The following DMRT1 variants were observed in gnomAD, a reference collection of about 807,000 sequenced individuals.
DMRT1 encodes the protein doublesex and mab-3 related transcription factor 1.
Under a neutral mutation model 32.3 loss-of-function variants are expected in DMRT1, and 7 were observed. The ratio of observed to expected loss-of-function variants is 0.22; its 90% CI spans 0.12 to 0.41. DMRT1 has a LOEUF of 0.41. Ranked by LOEUF, DMRT1 falls within the 10% of genes least tolerant of loss-of-function variation. The pLI, the probability that DMRT1 is intolerant of heterozygous loss-of-function variation, is 1.00. For missense variants in DMRT1, 625 were observed against 500.5 expected (o/e 1.25, Z -2.37); for synonymous variants, 278 against 206.1 (o/e 1.35, Z -2.99).
In DMRT1 at chr9:872,977, C is replaced by G. The variant is rs142035441; in HGVS notation, c.539-20935C>G. Among the ~76,000 whole-genome samples the G allele has an allele frequency of 5.2e-4, 79 of 152,346 alleles. 1 individual carries two copies. The highest frequency in any genetic ancestry group is 1.5e-3 in the African/African-American group (62 of 41,586). On this transcript the variant is annotated intron_variant, in intron 2 of 4. Coordinates refer to ENST00000382276, the MANE Select transcript of DMRT1 (RefSeq NM_021951.3). ...ACATTAAAGGCAGATCTTCTCTACT[C>G]TGTTCATGGATTCACATGCCAGTGT...
intron 2 of DMRT1, among the ~76,000 whole-genome samples, chr9:878,348 A>G (rs556290037): frequency 6.6e-6 from 1 of 152,200 alleles, no homozygotes; most frequent in South Asian, 2.1e-4. Context: ...ACTCTACTCC[A>G]CTGGGTTGCA....
At chr9:902,237 A>C (rs1817615355) in intron 3 of DMRT1, among the ~76,000 whole-genome samples, 1 of 147,476 alleles carries the variant, frequency 6.8e-6, no homozygotes, top group African/African-American at 2.5e-5. Flanking sequence ...ACATAAAGTG[A>C]TGTATTAGAT....
intron 2 of DMRT1, among the ~76,000 whole-genome samples, chr9:893,616 T>A (rs1285246533): frequency 6.6e-6 from 1 of 152,246 alleles, no homozygotes; most frequent in Non-Finnish European, 1.5e-5. Context: ...GACATTAGGA[T>A]AGGAATTTCT....
intron 2 of DMRT1, among the ~76,000 whole-genome samples, chr9:858,987 T>C (rs545291913): frequency 1.3e-5 from 2 of 152,036 alleles, no homozygotes; most frequent in South Asian, 4.2e-4. Context: ...TCTCCAGAAC[T>C]TCCCAGACAG....
chr9:884,460 A>C (rs1044540869), intron 2 of DMRT1, among the ~76,000 whole-genome samples: 9 of 152,066 alleles, frequency 5.9e-5, no homozygotes, highest in African/African-American at 1.9e-4. Context: ...GAACATGAGT[A>C]TTAGAATAAG....
chr9:893,949 C>G lies in DMRT1; in HGVS notation c.576C>G (p.Thr192=), dbSNP rs368538428. The G allele has an allele frequency of 6.2e-6, 10 of 1,614,174 alleles. No individual in the cohort carries two copies. The highest frequency in any genetic ancestry group is 8.5e-7 in the Non-Finnish European group (1 of 1,180,014). The change falls in exon 3 of 5, where the codon ACC becomes ACG. Residue 192 remains threonine (T), a synonymous_variant. Transcript: ENST00000382276. ...RMVIQDIPAV[T]SRGHVENTPD... ...TCATCCAGGATATTCCTGCTGTCAC[C>G]AGCAGAGGGCATGTGGAGAACACAC...
intron 3 of DMRT1, among the ~76,000 whole-genome samples, chr9:913,808 G>T (rs1336671479): frequency 1.3e-5 from 2 of 152,126 alleles, no homozygotes; most frequent in Non-Finnish European, 2.9e-5. Flanking sequence ...CAGGAGAATC[G>T]CTTGAAGCCA....
chr9:854,385 G>A (rs1815298712), intron 2 of DMRT1, among the ~76,000 whole-genome samples: 1 of 152,006 alleles, frequency 6.6e-6, no homozygotes, highest in South Asian at 2.1e-4. Context: ...TCCAGATCAA[G>A]TGATTCTCGT....
intron 4 of DMRT1, among the ~76,000 whole-genome samples, chr9:938,784 G>A (rs183975469): frequency 1.3e-3 from 195 of 152,346 alleles, no homozygotes; most frequent in African/African-American, 4.3e-3. Context: ...ATTGAACAGA[G>A]GTGGCACAAG....
intron 2 of DMRT1, among the ~76,000 whole-genome samples, chr9:876,637 C>A (rs1012730981): frequency 6.6e-6 from 1 of 151,964 alleles, no homozygotes; most frequent in African/African-American, 2.4e-5. Context: ...CTCAAGTGAT[C>A]CTTCCCCACT....
intron 4 of DMRT1, among the ~76,000 whole-genome samples, chr9:959,758 C>A (rs992069267): frequency 3.3e-5 from 5 of 151,946 alleles, no homozygotes; most frequent in African/African-American, 4.8e-5. Context: ...GAGCTCCTGA[C>A]CTCTGGTGAT....
chr9:887,236 A>C (rs1272534087), intron 2 of DMRT1, among the ~76,000 whole-genome samples: 8 of 152,204 alleles, frequency 5.3e-5, no homozygotes, highest in Admixed American at 5.2e-4. Flanking sequence ...TTTGGAGGGA[A>C]TTCATAGAAA....
chr9:901,780 C>A (rs186320909), intron 3 of DMRT1, among the ~76,000 whole-genome samples: 1 of 151,838 alleles, frequency 6.6e-6, no homozygotes, highest in African/African-American at 2.4e-5. Context: ...ACTTGCCTTA[C>A]GAACCTGCCC....
intron 3 of DMRT1, among the ~76,000 whole-genome samples, chr9:904,141 T>G (rs1459451963): frequency 1.3e-5 from 2 of 152,218 alleles, no homozygotes; most frequent in African/African-American, 2.4e-5. Flanking sequence ...AATAATATAG[T>G]CATTTGGGGA....
chr9:843,388 G>A (rs1368664787), intron 1 of DMRT1, among the ~76,000 whole-genome samples: 3 of 152,208 alleles, frequency 2.0e-5, no homozygotes, highest in African/African-American at 7.2e-5. Context: ...GAGAGCTCTG[G>A]AAATTTTATT....
intron 2 of DMRT1, among the ~76,000 whole-genome samples, chr9:854,379 G>C (rs1426084840): frequency 6.6e-6 from 1 of 151,998 alleles, no homozygotes. Flanking sequence ...CCACTTTCCA[G>C]ATCAAGTGAT....
rs1245936943 is a variant in DMRT1, at chr9:841,738, G to T, written c.-101G>T. The stretch of plus-strand genomic sequence containing the variant: ...CGGCTGCAGCGCACACGTCTCCTGC[G>T]CCTCCTCCTCCGGAGCGTCGCTGTC... On this transcript the variant is annotated 5_prime_UTR_variant, in exon 1 of 5. Coordinates refer to ENST00000382276, the MANE Select transcript of DMRT1 (RefSeq NM_021951.3). 3.9e-6 allele frequency: 6 copies of T among 1,546,188 alleles called. No individual in the cohort carries two copies. The highest frequency in any genetic ancestry group is 1.4e-5 in the African/African-American group (1 of 72,978).
At chr9:896,980 A>T (rs16925495) in intron 3 of DMRT1, among the ~76,000 whole-genome samples, 20,609 of 151,874 alleles carry the variant, frequency 0.14, 2,806 homozygotes, top group African/African-American at 0.34. Flanking sequence ...CACTTTTGGG[A>T]TCTTTTGCTA....
chr9:953,877 C>G lies in DMRT1; in HGVS notation c.968-14108C>G, dbSNP rs114324893. Among the ~76,000 whole-genome samples the G allele has an allele frequency of 7.0e-3, 1,068 of 152,284 alleles. 12 individuals carry two copies. Among genetic ancestry groups the G allele is most frequent in the African/African-American group, 0.025 (1,027 of 41,556 alleles). On this transcript the variant is annotated intron_variant, in intron 4 of 4. Transcript: ENST00000382276. Reference sequence around the variant, plus strand: ...CTTTTAACTAGTGGCCACCAAAGGGCTTTAAAGATAGAACCATAACATGGT... The same window carrying G: ...CTTTTAACTAGTGGCCACCAAAGGGGTTTAAAGATAGAACCATAACATGGT...
Sources: allele counts gnomAD v4.1 joint callset (sites outside exome capture counted in the v4.1 genomes callset), GRCh38; gene constraint gnomAD v4.1.1; transcripts MANE v1.5; gene names NCBI Gene and HGNC (gene_info 2026-07-23, HGNC 2026-07-21).